ADAMTS19: variants seen among roughly 807,000 people sequenced by gnomAD.
ADAMTS19 encodes ADAM metallopeptidase with thrombospondin type 1 motif 19.
In ADAMTS19, 93 loss-of-function variants were observed where a neutral mutation model predicts 153.3. That is an observed-to-expected ratio of 0.61 (90% CI 0.51 to 0.72). The LOEUF (loss-of-function observed/expected upper bound fraction) is 0.72, where lower values mean the gene tolerates loss of function less well. ADAMTS19 is among the 30% of genes least tolerant of loss of function. The probability of loss-of-function intolerance (pLI) is 0.00; values close to 1 mark genes in which losing one functional copy is unlikely to be tolerated. For missense variants in ADAMTS19, 1,482 were observed against 1,552.1 expected (o/e 0.95, Z 0.76); for synonymous variants, 600 against 556.6 (o/e 1.08, Z -1.10).
chr5:129,507,216 T>G (rs538452741), intron 2 of ADAMTS19, among the ~76,000 whole-genome samples: 1 of 152,196 alleles, frequency 6.6e-6, no homozygotes, highest in South Asian at 2.1e-4. Context: ...AGCCTCACTG[T>G]CAATTTTATT....
intron 8 of ADAMTS19, among the ~76,000 whole-genome samples, chr5:129,619,742 T>C (rs1388914375): frequency 6.6e-6 from 1 of 151,990 alleles, no homozygotes; most frequent in African/African-American, 2.4e-5. Context: ...TACGATACAA[T>C]AATTTTAATA....
intron 10 of ADAMTS19, among the ~76,000 whole-genome samples, chr5:129,628,663 A>C (rs1752161282): frequency 6.6e-6 from 1 of 152,106 alleles, no homozygotes; most frequent in African/African-American, 2.4e-5. Flanking sequence ...ATAGTTGTGC[A>C]CTATGTAATG....
At chr5:129,503,293 C>A (rs1255328286) in intron 2 of ADAMTS19, among the ~76,000 whole-genome samples, 4 of 151,958 alleles carry the variant, frequency 2.6e-5, no homozygotes, top group African/African-American at 9.7e-5. Context: ...GATGATAAGA[C>A]AATAGGATAG....
At chr5:129,637,642 C>A (rs978949652) in intron 10 of ADAMTS19, among the ~76,000 whole-genome samples, 1 of 152,242 alleles carries the variant, frequency 6.6e-6, no homozygotes, top group African/African-American at 2.4e-5. Flanking sequence ...GTCAGGAGTT[C>A]AAGACCAGCC....
chr5:129,631,793 T>C (rs1752310947), intron 10 of ADAMTS19, among the ~76,000 whole-genome samples: 1 of 152,058 alleles, frequency 6.6e-6, no homozygotes, highest in Non-Finnish European at 1.5e-5. Context: ...ATTCATCTGT[T>C]ATAAAAATTA....
chr5:129,598,538 G>A (rs965275484), intron 8 of ADAMTS19, among the ~76,000 whole-genome samples: 3 of 152,126 alleles, frequency 2.0e-5, no homozygotes, highest in Non-Finnish European at 4.4e-5. Context: ...CCATCACCCA[G>A]CCCAAGAAAC....
At chr5:129,590,738 T>A (rs911405757) in intron 7 of ADAMTS19, among the ~76,000 whole-genome samples, 11 of 152,332 alleles carry the variant, frequency 7.2e-5, no homozygotes, top group African/African-American at 2.2e-4. Context: ...AACTTATTAT[T>A]GAAAAATATG....
At chr5:129,602,354 G>T (rs184765504) in intron 8 of ADAMTS19, among the ~76,000 whole-genome samples, 1 of 152,136 alleles carries the variant, frequency 6.6e-6, no homozygotes, top group African/African-American at 2.4e-5. Context: ...GCCTCCCAAC[G>T]TGCTGGGATT....
intron 21 of ADAMTS19, among the ~76,000 whole-genome samples, chr5:129,723,225 C>G (rs1018028216): frequency 1.3e-5 from 2 of 152,154 alleles, no homozygotes; most frequent in African/African-American, 2.4e-5. Flanking sequence ...CGACTCTACA[C>G]TTCTGTAAAC....
chr5:129,498,273 A>G (rs1387543843), intron 2 of ADAMTS19, among the ~76,000 whole-genome samples: 1 of 152,110 alleles, frequency 6.6e-6, no homozygotes, highest in Non-Finnish European at 1.5e-5. Context: ...AATCTAAGTC[A>G]TATGTACATC....
intron 8 of ADAMTS19, among the ~76,000 whole-genome samples, chr5:129,607,257 A>T (rs1750945905): frequency 6.6e-6 from 1 of 152,212 alleles, no homozygotes; most frequent in Non-Finnish European, 1.5e-5. Flanking sequence ...TATTTTAAAT[A>T]TCATTTGTCA....
At chr5:129,511,399 C>T (rs557125944) in intron 3 of ADAMTS19, among the ~76,000 whole-genome samples, 141 of 151,810 alleles carry the variant, frequency 9.3e-4, no homozygotes, top group African/African-American at 3.3e-3. Context: ...AGGTTCAAGG[C>T]CCAGCTTTAG....
At chr5:129,574,361 G>C (rs905601180) in intron 7 of ADAMTS19, among the ~76,000 whole-genome samples, 1 of 151,778 alleles carries the variant, frequency 6.6e-6, no homozygotes, top group Non-Finnish European at 1.5e-5. Flanking sequence ...TGTTACATAG[G>C]TATACATGTG....
rs1561599440 is a variant in ADAMTS19, at chr5:129,608,139, T to TATATATATAA, written c.1478+11476_1478+11477insTATATATAAA. On this transcript the variant is annotated intron_variant, in intron 8 of 22. Transcript: ENST00000274487. Reference sequence around the variant, plus strand: ...GTGTATATATATATATATATATATATAATGGAACATTACTAAGTCTTTAAA... The same window carrying TATATATATAA: ...GTGTATATATATATATATATATATATATATATATAAAATGGAACATTACTAAGTCTTTAAA... 3.6e-5 allele frequency among the ~76,000 whole-genome samples: 5 copies of TATATATATAA among 137,120 alleles called. 1 individual carries two copies. Among genetic ancestry groups the TATATATATAA allele is most frequent in the African/African-American group, 1.1e-4 (4 of 38,068 alleles). 90.0% of individuals were successfully genotyped at this position (137,120 alleles called of 152,430 possible).
intron 10 of ADAMTS19, among the ~76,000 whole-genome samples, chr5:129,627,679 G>A (rs544750711): frequency 7.4e-4 from 112 of 152,022 alleles, no homozygotes; most frequent in African/African-American, 2.7e-3. Flanking sequence ...CAGCCAACAA[G>A]CATATTAAAA....
intron 8 of ADAMTS19, among the ~76,000 whole-genome samples, chr5:129,618,069 GGTTT>G (rs150330957): frequency 0.013 from 1,936 of 152,064 alleles, 13 homozygotes; most frequent in African/African-American, 0.018. Context: ...AACTGAGGCA[GGTTT>G]ATTTATTGTT....
intron 2 of ADAMTS19, among the ~76,000 whole-genome samples, chr5:129,483,532 T>A (rs1423435563): frequency 6.6e-6 from 1 of 152,176 alleles, no homozygotes; most frequent in Non-Finnish European, 1.5e-5. Flanking sequence ...ATGCAGACAT[T>A]GCCAGATTTC....
At chr5:129,495,846 C>T (rs1241376319) in intron 2 of ADAMTS19, among the ~76,000 whole-genome samples, 1 of 151,984 alleles carries the variant, frequency 6.6e-6, no homozygotes, top group Non-Finnish European at 1.5e-5. Context: ...AGGGTTTATA[C>T]CATATTATAT....
In ADAMTS19 at chr5:129,630,992, G is replaced by T. The variant is rs531474344; in HGVS notation, c.1770+8644G>T. ...AAGGATGCTTAACATCATTAATATT[G>T]TATCAAGAAATGCAAATTAAAACCA... On this transcript the variant is annotated intron_variant, in intron 10 of 22. Coordinates refer to ENST00000274487, the MANE Select transcript of ADAMTS19 (RefSeq NM_133638.6). Among the ~76,000 whole-genome samples, 5 of 151,794 alleles carry T rather than the reference G, an allele frequency of 3.3e-5. No homozygotes were observed. The East Asian group carries it at 9.6e-4, about 29-fold the overall frequency.
Sources: gnomAD v4.1 joint callset for allele counts (sites outside exome capture counted in the v4.1 genomes callset) on GRCh38, gnomAD v4.1.1 for gene constraint, MANE v1.5 for transcripts, NCBI Gene and HGNC (gene_info 2026-07-23, HGNC 2026-07-21) for gene names.